ALG12: variants seen among roughly 807,000 people sequenced by gnomAD.
The protein encoded by ALG12 is dol-P-Man:Man(7)GlcNAc(2)-PP-Dol alpha-1,6-mannosyltransferase.
In ALG12, 36 loss-of-function variants were observed where a neutral mutation model predicts 46.0. That is an observed-to-expected ratio of 0.78 (90% CI 0.60 to 1.03). The LOEUF (loss-of-function observed/expected upper bound fraction) is 1.03. Among genes scored for constraint, ALG12 ranks in the 50% least tolerant of loss-of-function variants. The probability of loss-of-function intolerance (pLI) is 0.00; values close to 1 mark genes in which losing one functional copy is unlikely to be tolerated. For missense variants in ALG12, 599 were observed against 633.5 expected, an observed-to-expected ratio of 0.95 and a Z score of 0.58; for synonymous variants, 326 against 291.6, an observed-to-expected ratio of 1.12 and a Z score of -1.20.
downstream of ALG12, among the ~76,000 whole-genome samples, chr22:49,897,982 A>G (rs1167779988): frequency 6.7e-6 from 1 of 150,282 alleles, no homozygotes; most frequent in Admixed American, 6.6e-5. Flanking sequence ...TTTCTTATTT[A>G]TGAGTTTTAA....
In ALG12 at chr22:49,913,502, A is replaced by T. The variant is rs1407795192; in HGVS notation, c.178T>A (p.Phe60Ile). 6.2e-7 allele frequency: 1 copy of T among 1,613,948 alleles called. No individual in the cohort carries two copies. Among genetic ancestry groups the T allele is most frequent in the Non-Finnish European group, 8.5e-7 (1 of 1,180,032 alleles). ...AACGTCCTGGGGACGACTCCGGGGA[A>T]CTCAAGATGGTCGTACTGCGAGGAG... The part of the protein sequence containing the change: ...QDLEQYDHLE[F>I]PGVVPRTFLG... Residue 60 changes from phenylalanine to isoleucine, a missense_variant, in exon 3 of 10, where the codon TTC becomes ATC. Phe to Ile is a conservative substitution (Grantham distance 21, BLOSUM62 0). Coordinates refer to ENST00000330817, the MANE Select transcript of ALG12 (RefSeq NM_024105.4).
rs1317746235 is a variant in ALG12, at chr22:49,903,618, G to C, written c.*220C>G. 1 of 701,368 alleles carries C rather than the reference G, an allele frequency of 1.4e-6. No homozygotes were observed. The highest frequency in any genetic ancestry group is 2.6e-6 in the Non-Finnish European group (1 of 387,160). 43.4% of individuals were successfully genotyped at this position (701,368 alleles called of 1,614,324 possible). Reference sequence around the variant, plus strand: ...CATCACCCTGGGCAGTGGCTCCCGGGGTGCCAACAAGACCTGGGCCCCTCG... The same window carrying C: ...CATCACCCTGGGCAGTGGCTCCCGGCGTGCCAACAAGACCTGGGCCCCTCG... On this transcript the variant is annotated 3_prime_UTR_variant, in exon 10 of 10. Coordinates refer to ENST00000330817, the MANE Select transcript of ALG12 (RefSeq NM_024105.4).
Position 49,901,983 on chromosome 22 carries a change from T to G in ALG12, c.*1855A>C, listed in dbSNP as rs1468911216. The G allele has an allele frequency of 7.0e-6, 1 of 142,924 alleles. No homozygotes were observed. Among genetic ancestry groups the G allele is most frequent in the Non-Finnish European group, 1.5e-5 (1 of 66,110 alleles). 8.9% of individuals were successfully genotyped at this position (142,924 alleles called of 1,614,324 possible). A position where few individuals can be genotyped will look rare whatever the true frequency, so the allele number is the denominator to read the frequency against. On this transcript the variant is annotated 3_prime_UTR_variant, in exon 10 of 10. Transcript: ENST00000330817. ...CACTGTGTGTGGTGTGTATGCATGG[T>G]GTGTGCACGTGTGCACTGTGTATGC...
the ALG12 span, among the ~76,000 whole-genome samples, chr22:49,878,507 G>T: frequency 6.6e-6 from 1 of 152,088 alleles, no homozygotes; most frequent in Admixed American, 6.6e-5. Flanking sequence ...CATGGAGAAA[G>T]GATTGTCCTT....
rs35816147 is a variant in ALG12 at position 49,908,951 on chromosome 22, CA to C, written c.768+292del. On this transcript the variant is annotated intron_variant, in intron 6 of 9. Coordinates refer to ENST00000330817, the MANE Select transcript of ALG12 (RefSeq NM_024105.4). The stretch of plus-strand genomic sequence containing the variant: ...TGGGCGACAGAGCGAGACTCAGTCT[CA>C]AAAAAAAAAAAAAAAAAGCAGATTG... Among the ~76,000 whole-genome samples, 351 of 80,478 alleles carry C rather than the reference CA, an allele frequency of 4.4e-3. 3 individuals are homozygous for C. Among genetic ancestry groups the C allele is most frequent in the East Asian group, 0.012 (30 of 2,412 alleles). 52.8% of individuals were successfully genotyped at this position (80,478 alleles called of 152,430 possible).
At chr22:49,886,922 C>T in the ALG12 span, 3 of 1,614,044 alleles carry the variant, frequency 1.9e-6, no homozygotes, top group Non-Finnish European at 1.7e-6. The surrounding 1 kb of genome is among the most constrained non-coding windows in gnomAD (Gnocchi z 7.7). Context: ...ATGGTGCTTG[C>T]GTATCTGGAG....
chr22:49,880,891 C>T, the ALG12 span, among the ~76,000 whole-genome samples: 4 of 152,134 alleles, frequency 2.6e-5, no homozygotes, highest in Non-Finnish European at 4.4e-5. Context: ...GTTTAAAAGC[C>T]TTTAATTTCA....
Position 49,902,963 on chromosome 22 carries a change from CGTGTGCACTGTGTGCAT to C in ALG12, c.*858_*874del, listed in dbSNP as rs1458581428. On this transcript the variant is annotated 3_prime_UTR_variant, in exon 10 of 10. Coordinates refer to ENST00000330817, the MANE Select transcript of ALG12 (RefSeq NM_024105.4). ...GTGGTGTGTATGCATGGTGTGTGCA[CGTGTGCACTGTGTGCAT>C]GCGTGTGTGGTGTGTGTGCATGTAT... 1.0e-4 allele frequency: 32 copies of C among 316,736 alleles called. 1 individual carries two copies. The highest frequency in any genetic ancestry group is 1.1e-3 in the Middle Eastern group (1 of 882). 19.6% of individuals were successfully genotyped at this position (316,736 alleles called of 1,614,324 possible).
At chr22:49,912,850 C>G (rs972637771) in intron 3 of ALG12, among the ~76,000 whole-genome samples, 2 of 151,412 alleles carry the variant, frequency 1.3e-5, no homozygotes, top group African/African-American at 4.9e-5. Context: ...CTAGGTGACA[C>G]AGCAAGGCCC....
In ALG12 at chr22:49,904,153, A is replaced by G. The variant is rs570661214; in HGVS notation, c.1238+26T>C. 1.9e-5 allele frequency: 31 copies of G among 1,614,156 alleles called. No homozygotes were observed. The South Asian group carries it at 3.3e-4, about 17-fold the overall frequency. The stretch of plus-strand genomic sequence containing the variant: ...AAGGGGCCCTCACATGGCCTCTGGG[A>G]GGGCCGTGCTGTGTGTGGATCCTAC... On this transcript the variant is annotated intron_variant, in intron 9 of 9. Transcript: ENST00000330817.
chr22:49,883,574 T>C, the ALG12 span: 3 of 1,428,910 alleles, frequency 2.1e-6, no homozygotes, highest in African/African-American at 4.6e-5. Flanking sequence ...GACGAAAAAG[T>C]GAAGATAATC....
downstream of ALG12, among the ~76,000 whole-genome samples, chr22:49,896,279 C>T (rs543311982): frequency 6.6e-6 from 1 of 152,374 alleles, no homozygotes; most frequent in South Asian, 2.1e-4. Flanking sequence ...CTAAATCTCT[C>T]CCCGTGAGAT....
the ALG12 span, chr22:49,888,861 C>T: frequency 3.0e-5 from 5 of 167,248 alleles, no homozygotes; most frequent in African/African-American, 1.2e-4. Flanking sequence ...ATCTCTCCCT[C>T]GCCAGCAGCC....
the ALG12 span, among the ~76,000 whole-genome samples, chr22:49,864,680 G>A: frequency 1.3e-5 from 2 of 151,984 alleles, no homozygotes; most frequent in Admixed American, 1.3e-4. Flanking sequence ...TATTAGCCAG[G>A]TGTGGTGACA....
At chr22:49,910,715 TG>T in intron 3 of ALG12, 108 bp from the exon 4 acceptor site, 1 of 1,307,782 alleles carries the variant, frequency 7.6e-7, no homozygotes, top group Non-Finnish European at 1.1e-6. Flanking sequence ...TTTTCTATGC[TG>T]CTGCAATGCC....
chr22:49,883,652 T>TA, the ALG12 span: 1 of 1,546,476 alleles, frequency 6.5e-7, no homozygotes, highest in African/African-American at 1.4e-5. Flanking sequence ...CCGGAGTAGT[T>TA]ATGGTCAGTC....
chr22:49,916,368 G>A (rs2060609273), intron 1 of ALG12, among the ~76,000 whole-genome samples: 1 of 152,124 alleles, frequency 6.6e-6, no homozygotes, highest in Non-Finnish European at 1.5e-5. Flanking sequence ...GGATCACAAG[G>A]TCAGGAATTC....
At chr22:49,884,968 C>A in the ALG12 span, 3 of 1,612,924 alleles carry the variant, frequency 1.9e-6, no homozygotes, top group Admixed American at 1.7e-5. Flanking sequence ...GGCTGATGGG[C>A]TGAGTCCTAG....
chr22:49,907,991 C>T (rs779304135), intron 6 of ALG12, 47 bp from the exon 7 acceptor site: 32 of 1,588,522 alleles, frequency 2.0e-5, no homozygotes, highest in Non-Finnish European at 2.3e-5. Flanking sequence ...CGCATGAGCC[C>T]GTGGGCTAGG....
Sources: allele counts gnomAD v4.1 joint callset (sites outside exome capture counted in the v4.1 genomes callset), GRCh38; gene constraint gnomAD v4.1.1; non-coding constraint Gnocchi (gnomAD v3.1); transcripts MANE v1.5; gene names NCBI Gene and HGNC (gene_info 2026-07-23, HGNC 2026-07-21).